Variants in CYP19A1 observed in about 807,000 individuals in gnomAD.
CYP19A1 encodes aromatase.
In CYP19A1, 32 loss-of-function variants were observed where a neutral mutation model predicts 44.4. The ratio of observed to expected loss-of-function variants is 0.72; its 90% CI spans 0.54 to 0.97. CYP19A1 has a LOEUF of 0.97. Ranked by LOEUF, CYP19A1 falls within the 50% of genes least tolerant of loss-of-function variation. The pLI is 0.00. For missense variants in CYP19A1, 598 were observed against 637.8 expected (o/e 0.94, Z 0.67); for synonymous variants, 212 against 215.6 (o/e 0.98, Z 0.14).
intron 1 of CYP19A1, among the ~76,000 whole-genome samples, chr15:51,286,378 G>T (rs1198807170): frequency 6.6e-6 from 1 of 152,158 alleles, no homozygotes; most frequent in Non-Finnish European, 1.5e-5. Context: ...TAAAATAAAA[G>T]CCAGGAAGCA....
At chr15:51,245,637 A>G (rs140671336) in intron 1 of CYP19A1, among the ~76,000 whole-genome samples, 1,603 of 152,366 alleles carry the variant, frequency 0.011, 37 homozygotes, top group African/African-American at 0.037. Context: ...CAAAGGGCTA[A>G]TATCCAGAAT....
intron 1 of CYP19A1, among the ~76,000 whole-genome samples, chr15:51,249,429 G>A (rs571367810): frequency 2.0e-5 from 3 of 152,200 alleles, no homozygotes; most frequent in Admixed American, 2.0e-4. Context: ...CTCTTACCTG[G>A]TATAAATACT....
intron 1 of CYP19A1, among the ~76,000 whole-genome samples, chr15:51,313,502 A>G (rs1470296261): frequency 1.3e-5 from 2 of 152,188 alleles, no homozygotes; most frequent in Non-Finnish European, 2.9e-5. Flanking sequence ...TTTCCCATCT[A>G]TAAAAAACTT....
intron 1 of CYP19A1, among the ~76,000 whole-genome samples, chr15:51,259,070 G>A (rs1303008177): frequency 6.6e-6 from 1 of 152,152 alleles, no homozygotes; most frequent in Non-Finnish European, 1.5e-5. Flanking sequence ...ATGAGCATGT[G>A]TAAAATGAGA....
intron 1 of CYP19A1, among the ~76,000 whole-genome samples, chr15:51,275,015 C>T (rs567072575): frequency 6.6e-6 from 1 of 152,326 alleles, no homozygotes; most frequent in Non-Finnish European, 1.5e-5. Context: ...TGACATGTCA[C>T]TTGGCCCATT....
intron 1 of CYP19A1, among the ~76,000 whole-genome samples, chr15:51,247,524 C>T (rs930984404): frequency 6.6e-6 from 1 of 152,040 alleles, no homozygotes; most frequent in East Asian, 1.9e-4. Flanking sequence ...GGCTGGCATG[C>T]AGTGGTGACA....
chr15:51,286,282 AT>A (rs1170028278), intron 1 of CYP19A1, among the ~76,000 whole-genome samples: 11 of 152,008 alleles, frequency 7.2e-5, no homozygotes, highest in Non-Finnish European at 1.5e-4. Context: ...AACACCTCTT[AT>A]TTGCATATAA....
intron 2 of CYP19A1, among the ~76,000 whole-genome samples, chr15:51,241,549 A>T (rs571241841): frequency 6.6e-6 from 1 of 151,798 alleles, no homozygotes; most frequent in Non-Finnish European, 1.5e-5. Context: ...CTCCACCCCC[A>T]CCACTTACTC....
At chr15:51,239,496 A>G (rs373372775) in intron 2 of CYP19A1, among the ~76,000 whole-genome samples, 1 of 152,222 alleles carries the variant, frequency 6.6e-6, no homozygotes, top group Non-Finnish European at 1.5e-5. Flanking sequence ...CACGATGTGG[A>G]TGGATCTTAG....
intron 1 of CYP19A1, among the ~76,000 whole-genome samples, chr15:51,333,904 A>C (rs1050905150): frequency 6.6e-6 from 1 of 152,186 alleles, no homozygotes; most frequent in Non-Finnish European, 1.5e-5. Context: ...TTAGGCTATC[A>C]GGCCCCAAAT....
intron 1 of CYP19A1, chr15:51,319,045 A>T (rs1253881280): frequency 1.3e-5 from 2 of 152,182 alleles, no homozygotes; most frequent in African/African-American, 4.8e-5. Flanking sequence ...TCATTGCGCA[A>T]CTATGAGGGG....
intron 1 of CYP19A1, among the ~76,000 whole-genome samples, chr15:51,322,597 T>C (rs1335044228): frequency 2.0e-5 from 3 of 152,190 alleles, no homozygotes; most frequent in African/African-American, 7.2e-5. Context: ...CTTTCAGTCA[T>C]CACATTCTTA....
chr15:51,300,930 T>C (rs943915400), intron 1 of CYP19A1, among the ~76,000 whole-genome samples: 2 of 151,396 alleles, frequency 1.3e-5, no homozygotes, highest in Non-Finnish European at 2.9e-5. Flanking sequence ...AGCAAAATGT[T>C]TTAGGAGAAA....
intron 5 of CYP19A1, among the ~76,000 whole-genome samples, chr15:51,218,948 T>G (rs1276598957): frequency 6.6e-6 from 1 of 152,246 alleles, no homozygotes; most frequent in Non-Finnish European, 1.5e-5. Context: ...ATATTCTCCT[T>G]GGGCTGAGCT....
At chr15:51,238,707 C>G (rs746749503) in intron 2 of CYP19A1, among the ~76,000 whole-genome samples, 1 of 152,114 alleles carries the variant, frequency 6.6e-6, no homozygotes, top group South Asian at 2.1e-4. Context: ...TAAGCTGTGA[C>G]GCAGGAGAGA....
intron 1 of CYP19A1, among the ~76,000 whole-genome samples, chr15:51,305,977 T>G (rs1019894911): frequency 3.3e-5 from 5 of 152,160 alleles, no homozygotes; most frequent in Non-Finnish European, 7.3e-5. Flanking sequence ...TGGGGCGCTA[T>G]GAGAAGCTGG....
At chr15:51,325,327 G>C (rs2036589053) in intron 1 of CYP19A1, among the ~76,000 whole-genome samples, 1 of 152,134 alleles carries the variant, frequency 6.6e-6, no homozygotes, top group Non-Finnish European at 1.5e-5. Context: ...GGTGAGGACT[G>C]AGGAGTCTGG....
intron 1 of CYP19A1, among the ~76,000 whole-genome samples, chr15:51,283,868 C>T (rs2035612240): frequency 6.6e-6 from 1 of 152,258 alleles, no homozygotes; most frequent in South Asian, 2.1e-4. Flanking sequence ...TTGTCCCCTG[C>T]CACAGCAGGC....
At chr15:51,299,814 T>TGTA (rs2036075492) in intron 1 of CYP19A1, among the ~76,000 whole-genome samples, 1 of 152,034 alleles carries the variant, frequency 6.6e-6, no homozygotes, top group Non-Finnish European at 1.5e-5. Context: ...CATTTTAGAG[T>TGTA]GTAGGGGAGC....
Sources: allele counts gnomAD v4.1 joint callset (sites outside exome capture counted in the v4.1 genomes callset), GRCh38; gene constraint gnomAD v4.1.1; transcripts MANE v1.5; gene names NCBI Gene and HGNC (gene_info 2026-07-23, HGNC 2026-07-21).